SERPINI1: variants seen among roughly 807,000 people sequenced by gnomAD.
SERPINI1 encodes neuroserpin.
SERPINI1 carries 19 observed loss-of-function variants against 41.1 expected under a neutral mutation model. The observed-to-expected ratio is 0.46, with a 90% confidence interval of 0.32 to 0.68. The LOEUF is 0.68. SERPINI1 is among the 30% of genes least tolerant of loss of function. SERPINI1 has a pLI of 0.03. For synonymous variants in SERPINI1, 138 were observed against 156.6 expected, an observed-to-expected ratio of 0.88 and a Z score of 0.89; for missense variants, 460 against 479.2, an observed-to-expected ratio of 0.96 and a Z score of 0.37.
chr3:167,788,974 C>A, intron 1 of SERPINI1, 137 bp from the exon 2 acceptor site: 1 of 787,290 alleles, frequency 1.3e-6, no homozygotes. Context: ...CTGGGAGAAT[C>A]CTCAGAACTT....
intron 6 of SERPINI1, 25 bp from the exon 7 acceptor site, chr3:167,822,961 A>G: frequency 6.8e-7 from 1 of 1,460,178 alleles, no homozygotes; most frequent in Non-Finnish European, 9.6e-7. Context: ...ATGAAAAAAA[A>G]AAATTTCTGA....
intron 5 of SERPINI1, among the ~76,000 whole-genome samples, chr3:167,796,890 A>G (rs541028995): frequency 4.6e-5 from 7 of 152,132 alleles, no homozygotes; most frequent in Non-Finnish European, 8.8e-5. Flanking sequence ...CGGTAATGGG[A>G]TTGCTGGGTC....
chr3:167,765,273 G>A lies in SERPINI1; in HGVS notation c.-18-23838G>A, dbSNP rs146653241. On this transcript the variant is annotated intron_variant, in intron 1 of 8. Coordinates refer to ENST00000446050, the MANE Select transcript of SERPINI1 (RefSeq NM_001122752.2). ...CAAACTTCTGCCTGGGCAATCAGGC[G>A]TTTGCATACATCTTCTGAAATCTAG... Among the ~76,000 whole-genome samples the A allele has an allele frequency of 3.5e-4, 54 of 152,328 alleles. 1 individual carries two copies. Among genetic ancestry groups the A allele is most frequent in the East Asian group, 2.7e-3 (14 of 5,188 alleles).
intron 1 of SERPINI1, among the ~76,000 whole-genome samples, chr3:167,762,739 C>T (rs1726428394): frequency 6.6e-6 from 1 of 152,304 alleles, no homozygotes; most frequent in South Asian, 2.1e-4. Flanking sequence ...CTCCCTCTCA[C>T]CTCCTTACTT....
chr3:167,812,279 C>T (rs1268761392), intron 6 of SERPINI1, among the ~76,000 whole-genome samples: 1 of 152,222 alleles, frequency 6.6e-6, no homozygotes, highest in Non-Finnish European at 1.5e-5. Flanking sequence ...CCTTCAGTCA[C>T]CTGTGCCCCA....
At chr3:167,781,495 T>C (rs1472704166) in intron 1 of SERPINI1, among the ~76,000 whole-genome samples, 2 of 152,074 alleles carry the variant, frequency 1.3e-5, no homozygotes, top group African/African-American at 4.8e-5. Context: ...AGAACAAAAA[T>C]TTAGTAGCCC....
At chr3:167,786,542 A>T (rs1454754572) in intron 1 of SERPINI1, among the ~76,000 whole-genome samples, 2 of 151,212 alleles carry the variant, frequency 1.3e-5, no homozygotes, top group Non-Finnish European at 2.9e-5. Flanking sequence ...TAAAGAAGAT[A>T]AAATATGATG....
chr3:167,809,065 A>G (rs187994346), intron 6 of SERPINI1, among the ~76,000 whole-genome samples: 19 of 152,316 alleles, frequency 1.2e-4, no homozygotes, highest in African/African-American at 4.1e-4. Context: ...TCCTGTCCAC[A>G]TAAGAGAAAT....
intron 1 of SERPINI1, among the ~76,000 whole-genome samples, chr3:167,755,797 T>G (rs917070005): frequency 5.6e-4 from 83 of 148,584 alleles, no homozygotes; most frequent in South Asian, 2.3e-3. Context: ...GTTGCTGATT[T>G]TTTTTTTTTT....
intron 7 of SERPINI1, among the ~76,000 whole-genome samples, chr3:167,823,447 C>CA (rs1712408780): frequency 6.6e-6 from 1 of 152,102 alleles, no homozygotes; most frequent in African/African-American, 2.4e-5. Flanking sequence ...ATTTTGTCAG[C>CA]AAAAAGTTCT....
At chr3:167,757,790 G>A (rs150333625) in intron 1 of SERPINI1, among the ~76,000 whole-genome samples, 4 of 152,092 alleles carry the variant, frequency 2.6e-5, no homozygotes, top group African/African-American at 9.6e-5. Flanking sequence ...TTGGTGGCCT[G>A]CGCCTGTAAT....
chr3:167,793,005 G>T (rs1727582253), intron 4 of SERPINI1, among the ~76,000 whole-genome samples: 1 of 152,116 alleles, frequency 6.6e-6, no homozygotes, highest in East Asian at 1.9e-4. Flanking sequence ...AACCACACCT[G>T]CAGAGTAGCT....
intron 6 of SERPINI1, among the ~76,000 whole-genome samples, chr3:167,810,342 G>A (rs916015393): frequency 6.6e-6 from 1 of 151,944 alleles, no homozygotes; most frequent in Admixed American, 6.6e-5. Flanking sequence ...AGAATCTCAT[G>A]GTGTTTAGGA....
intron 7 of SERPINI1, 126 bp from the exon 8 acceptor site, chr3:167,824,345 CTT>C (rs535127635): frequency 5.6e-5 from 38 of 674,040 alleles, no homozygotes; most frequent in African/African-American, 5.2e-4. Flanking sequence ...CCAGTTAAGT[CTT>C]TAAAATCTTG....
intron 1 of SERPINI1, among the ~76,000 whole-genome samples, chr3:167,751,825 G>C (rs925965601): frequency 2.0e-5 from 3 of 152,100 alleles, no homozygotes; most frequent in Non-Finnish European, 2.9e-5. Context: ...CTTCATGTGT[G>C]AAGTGACATT....
rs1303314901 is a variant in SERPINI1, at chr3:167,757,531, C to CAA, written c.-19+21711_-19+21712dup. 1.8e-4 allele frequency among the ~76,000 whole-genome samples: 28 copies of CAA among 151,994 alleles called. 1 individual carries two copies. Among genetic ancestry groups the CAA allele is most frequent in the East Asian group, 9.7e-4 (5 of 5,176 alleles). On this transcript the variant is annotated intron_variant, in intron 1 of 8. Transcript: ENST00000446050. ...TCTCTCACACACACACACACACACA[C>CAA]AAAATATATATTACACTATTAGATA...
rs145636707 is a variant in SERPINI1 at position 167,813,789 on chromosome 3, G to A, written c.979+6448G>A. On this transcript the variant is annotated intron_variant, in intron 6 of 8. Coordinates refer to ENST00000446050, the MANE Select transcript of SERPINI1 (RefSeq NM_001122752.2). ...GAACACAGAAGAGAATTTGTGGTGG[G>A]GGACAGGGTAGATACCGAGTGGGTG... 2.1e-3 allele frequency among the ~76,000 whole-genome samples: 317 copies of A among 152,202 alleles called. 4 individuals are homozygous for A. The highest frequency in any genetic ancestry group is 7.1e-3 in the African/African-American group (294 of 41,522).
intron 1 of SERPINI1, among the ~76,000 whole-genome samples, chr3:167,736,496 A>G (rs1244645608): frequency 2.0e-5 from 3 of 152,234 alleles, no homozygotes; most frequent in African/African-American, 7.2e-5. Context: ...GATTCAGCCT[A>G]CAATGGAAAC....
chr3:167,799,768 C>T (rs1002648284), intron 5 of SERPINI1, among the ~76,000 whole-genome samples: 1 of 152,066 alleles, frequency 6.6e-6, no homozygotes, highest in African/African-American at 2.4e-5. Context: ...TCTTATTGTG[C>T]TTTTGATTTG....
Sources: allele counts gnomAD v4.1 joint callset (sites outside exome capture counted in the v4.1 genomes callset), GRCh38; gene constraint gnomAD v4.1.1; transcripts MANE v1.5; gene names NCBI Gene and HGNC (gene_info 2026-07-23, HGNC 2026-07-21).